The following SNAP91 variants were observed in gnomAD, a reference collection of about 807,000 sequenced individuals.
SNAP91 encodes the protein synaptosome associated protein 91.
SNAP91 carries 27 observed loss-of-function variants against 100.3 expected under a neutral mutation model. That is an observed-to-expected ratio of 0.27 (90% CI 0.20 to 0.37). The LOEUF (loss-of-function observed/expected upper bound fraction) is 0.37. Ranked by LOEUF, SNAP91 falls within the 10% of genes least tolerant of loss-of-function variation. The pLI, the probability that SNAP91 is intolerant of heterozygous loss-of-function variation, is 1.00. For missense variants in SNAP91, 986 were observed against 1,123.7 expected (o/e 0.88, Z 1.75); for synonymous variants, 404 against 398.6 (o/e 1.01, Z -0.16).
chr6:83,571,026 C>T (rs562655992), intron 26 of SNAP91, among the ~76,000 whole-genome samples: 30 of 152,218 alleles, frequency 2.0e-4, no homozygotes, highest in African/African-American at 7.2e-4. Context: ...CACTCAACAC[C>T]AGCCTGTGAA....
At chr6:83,557,809 T>G (rs1781049809) in intron 28 of SNAP91, among the ~76,000 whole-genome samples, 1 of 152,080 alleles carries the variant, frequency 6.6e-6, no homozygotes, top group Non-Finnish European at 1.5e-5. Context: ...AATTGATAAT[T>G]AGGTGAGATG....
At chr6:83,617,156 G>A (rs1324859068) in intron 9 of SNAP91, 117 bp from the exon 10 acceptor site, 1 of 540,248 alleles carries the variant, frequency 1.9e-6, no homozygotes, top group Non-Finnish European at 3.1e-6. Flanking sequence ...ATATATGTGA[G>A]ATAATTTAAT....
chr6:83,650,317 G>A (rs993732834), intron 7 of SNAP91, among the ~76,000 whole-genome samples: 1 of 152,150 alleles, frequency 6.6e-6, no homozygotes, highest in Non-Finnish European at 1.5e-5. Flanking sequence ...GAATATTGAA[G>A]CAGAAGGCTA....
intron 13 of SNAP91, among the ~76,000 whole-genome samples, chr6:83,606,921 A>G (rs1193548273): frequency 1.3e-5 from 2 of 152,218 alleles, no homozygotes; most frequent in Non-Finnish European, 2.9e-5. Context: ...GGTTATGCCA[A>G]ATTTGCTATT....
At chr6:83,656,973 T>G (rs2098421915) in intron 6 of SNAP91, 108 bp from the exon 7 acceptor site, 2 of 591,440 alleles carry the variant, frequency 3.4e-6, no homozygotes, top group East Asian at 2.9e-5. Flanking sequence ...ATGAATATTC[T>G]ACAAACATTG....
intron 2 of SNAP91, among the ~76,000 whole-genome samples, chr6:83,666,662 C>T (rs140481842): frequency 9.9e-5 from 15 of 152,202 alleles, no homozygotes; most frequent in African/African-American, 3.6e-4. Context: ...ATCTAAACTC[C>T]TTAGACTAAA....
intron 8 of SNAP91, among the ~76,000 whole-genome samples, chr6:83,628,376 T>C (rs1288187765): frequency 1.3e-5 from 2 of 151,836 alleles, no homozygotes; most frequent in Admixed American, 6.6e-5. Flanking sequence ...AGATACCCAC[T>C]AGTGGGATTG....
At chr6:83,597,680 C>T (rs772812627) in intron 16 of SNAP91, among the ~76,000 whole-genome samples, 2 of 152,164 alleles carry the variant, frequency 1.3e-5, no homozygotes, top group Non-Finnish European at 2.9e-5. Context: ...TCTCTCAAAT[C>T]TAAGAGCTGT....
At chr6:83,600,969 C>T (rs1005479562) in intron 16 of SNAP91, among the ~76,000 whole-genome samples, 13 of 152,116 alleles carry the variant, frequency 8.5e-5, no homozygotes, top group Non-Finnish European at 1.5e-4. Context: ...CACTTTTATA[C>T]AGACACTGGA....
chr6:83,589,583 C>T (rs1461488831), intron 22 of SNAP91, among the ~76,000 whole-genome samples: 1 of 152,132 alleles, frequency 6.6e-6, no homozygotes, highest in Non-Finnish European at 1.5e-5. Context: ...AGGAAAATAC[C>T]TAGTGGTAGT....
chr6:83,576,770 C>T (rs1445422457), intron 24 of SNAP91, among the ~76,000 whole-genome samples: 1 of 152,212 alleles, frequency 6.6e-6, no homozygotes, highest in Non-Finnish European at 1.5e-5. Context: ...TGTGCTGAGT[C>T]CCATGTGTCC....
chr6:83,595,376 AT>A (rs2094342908), intron 16 of SNAP91, among the ~76,000 whole-genome samples: 1 of 152,202 alleles, frequency 6.6e-6, no homozygotes, highest in African/African-American at 2.4e-5. Flanking sequence ...CTATAAGTGT[AT>A]TATTATTTAT....
chr6:83,639,322 C>A (rs1206392804), intron 8 of SNAP91, among the ~76,000 whole-genome samples: 1 of 152,030 alleles, frequency 6.6e-6, no homozygotes, highest in East Asian at 1.9e-4. Flanking sequence ...CCACTCAACA[C>A]TGGTATTCAA....
intron 9 of SNAP91, among the ~76,000 whole-genome samples, chr6:83,620,073 T>C (rs2096651266): frequency 6.6e-6 from 1 of 152,188 alleles, no homozygotes; most frequent in Admixed American, 6.5e-5. Flanking sequence ...AATTATGATA[T>C]TATGTGTACA....
At chr6:83,660,670 G>A (rs920942897) in intron 5 of SNAP91, among the ~76,000 whole-genome samples, 1 of 151,860 alleles carries the variant, frequency 6.6e-6, no homozygotes, top group African/African-American at 2.4e-5. Flanking sequence ...ATTATGGTGT[G>A]TGTTTATATA....
intron 2 of SNAP91, among the ~76,000 whole-genome samples, chr6:83,681,992 T>C (rs1314433273): frequency 6.6e-6 from 1 of 152,062 alleles, no homozygotes; most frequent in African/African-American, 2.4e-5. Flanking sequence ...AAAGCTTCCT[T>C]GAATTCTACT....
chr6:83,671,614 T>C (rs1335492550), intron 2 of SNAP91, among the ~76,000 whole-genome samples: 7 of 152,064 alleles, frequency 4.6e-5, no homozygotes, highest in African/African-American at 1.7e-4. Flanking sequence ...TTTGAAGCAA[T>C]TGAAAATTAA....
chr6:83,658,366 T>C (rs1358238303), intron 6 of SNAP91, among the ~76,000 whole-genome samples: 2 of 152,092 alleles, frequency 1.3e-5, no homozygotes, highest in South Asian at 2.1e-4. Flanking sequence ...TCCCAGAATT[T>C]TGGGAGGCCG....
At chr6:83,600,569 C>T (rs2095072497) in intron 16 of SNAP91, among the ~76,000 whole-genome samples, 1 of 152,154 alleles carries the variant, frequency 6.6e-6, no homozygotes. Flanking sequence ...CTTCACATGG[C>T]TCATCAGGTC....
Sources: allele counts gnomAD v4.1 joint callset (sites outside exome capture counted in the v4.1 genomes callset), GRCh38; gene constraint gnomAD v4.1.1; transcripts MANE v1.5; gene names NCBI Gene and HGNC (gene_info 2026-07-23, HGNC 2026-07-21).